Variants in CSMD1 observed in about 807,000 individuals in gnomAD.
The protein encoded by CSMD1 is CUB and Sushi multiple domains 1.
In CSMD1, 213 loss-of-function variants were observed where a neutral mutation model predicts 417.5. That is an observed-to-expected ratio of 0.51 (90% CI 0.46 to 0.57). CSMD1 has a LOEUF of 0.57. Among genes scored for constraint, CSMD1 ranks in the 20% least tolerant of loss-of-function variants. The probability of loss-of-function intolerance (pLI) is 0.00; values close to 1 mark genes in which losing one functional copy is unlikely to be tolerated. For synonymous variants in CSMD1, 2,862 were observed against 1,736.8 expected (o/e 1.65, Z -16.11); for missense variants, 6,923 against 4,529.7 (o/e 1.53, Z -15.17).
chr8:4,931,954 T>C (rs908182545), intron 1 of CSMD1, among the ~76,000 whole-genome samples: 1 of 152,034 alleles, frequency 6.6e-6, no homozygotes, highest in Non-Finnish European at 1.5e-5. Flanking sequence ...TTGTGTAACA[T>C]GTATTAGTTA....
chr8:3,665,839 C>G (rs181026407), intron 7 of CSMD1, among the ~76,000 whole-genome samples: 2 of 152,218 alleles, frequency 1.3e-5, no homozygotes, highest in East Asian at 1.9e-4. Context: ...AAGGCTTAGG[C>G]TCCTGCATTT....
intron 4 of CSMD1, among the ~76,000 whole-genome samples, chr8:4,009,481 G>A (rs1457380341): frequency 2.0e-5 from 3 of 152,138 alleles, no homozygotes; most frequent in Non-Finnish European, 2.9e-5. Flanking sequence ...AAACCATAGG[G>A]TCATCAAATG....
chr8:4,541,033 A>C (rs1797358323), intron 2 of CSMD1, among the ~76,000 whole-genome samples: 1 of 152,222 alleles, frequency 6.6e-6, no homozygotes, highest in South Asian at 2.1e-4. Context: ...ACTTAGCAAA[A>C]TGTTTCACAA....
intron 3 of CSMD1, among the ~76,000 whole-genome samples, chr8:4,207,863 C>A (rs531800340): frequency 1.6e-4 from 25 of 152,126 alleles, no homozygotes; most frequent in African/African-American, 4.3e-4. Context: ...TAATTGGTTC[C>A]ATATAGGTGG....
intron 40 of CSMD1, among the ~76,000 whole-genome samples, chr8:3,147,532 C>A (rs1009923120): frequency 3.3e-5 from 5 of 152,140 alleles, no homozygotes; most frequent in Non-Finnish European, 7.3e-5. Context: ...AGCTGGGGCA[C>A]TGAGTCAGAA....
chr8:3,980,178 G>C (rs79071316), intron 5 of CSMD1, among the ~76,000 whole-genome samples: 5 of 152,142 alleles, frequency 3.3e-5, no homozygotes, highest in African/African-American at 1.2e-4. Flanking sequence ...ATGACACAAT[G>C]TTATCACTTT....
intron 1 of CSMD1, among the ~76,000 whole-genome samples, chr8:4,754,161 G>A (rs1811520531): frequency 1.3e-5 from 2 of 152,094 alleles, no homozygotes; most frequent in Admixed American, 1.3e-4. Flanking sequence ...TTCTGATTGA[G>A]CAAAGCATGG....
rs1200160004 is a variant in CSMD1 at position 3,515,399 on chromosome 8, ATGT to A, written c.1345-21676_1345-21674del. 5.3e-5 allele frequency: 8 copies of A among 152,342 alleles called. No homozygotes were observed. In the East Asian group the frequency reaches 1.5e-3, roughly 29 times the overall value. The allele number at this position is 152,342 out of a possible 1,614,324, so 9.4% of individuals were successfully genotyped here. On this transcript the variant is annotated intron_variant, in intron 10 of 69. Coordinates refer to ENST00000635120, the MANE Select transcript of CSMD1 (RefSeq NM_033225.6). Reference sequence around the variant, plus strand: ...ACTAAGGCTCTTTATGATCTTGAAAATGTTGGTGAAGTTTAGACACTTGGTGAC... The same window carrying A: ...ACTAAGGCTCTTTATGATCTTGAAAATGGTGAAGTTTAGACACTTGGTGAC...
At chr8:3,973,647 T>A (rs1243293369) in intron 5 of CSMD1, among the ~76,000 whole-genome samples, 4 of 152,196 alleles carry the variant, frequency 2.6e-5, no homozygotes, top group Non-Finnish European at 5.9e-5. Context: ...ATCTGTTTAC[T>A]CCCTCAAGTA....
At chr8:3,500,293 C>G (rs1378122630) in intron 10 of CSMD1, among the ~76,000 whole-genome samples, 2 of 152,080 alleles carry the variant, frequency 1.3e-5, no homozygotes, top group Admixed American at 1.3e-4. Flanking sequence ...GCTGGGCACT[C>G]TAGCTAGACA....
intron 1 of CSMD1, among the ~76,000 whole-genome samples, chr8:4,931,444 C>T (rs558029988): frequency 6.6e-6 from 1 of 152,124 alleles, no homozygotes; most frequent in African/African-American, 2.4e-5. Flanking sequence ...TTGCCAATTT[C>T]AAACGCCCAG....
At chr8:3,587,454 G>A (rs926526054) in intron 8 of CSMD1, among the ~76,000 whole-genome samples, 1 of 152,196 alleles carries the variant, frequency 6.6e-6, no homozygotes, top group African/African-American at 2.4e-5. Context: ...AGGAAAAGAA[G>A]CACAGTTGTC....
In CSMD1 at chr8:3,299,952, C is replaced by G. The variant is rs1305154524; in HGVS notation, c.3950+7743G>C. 7.9e-5 allele frequency among the ~76,000 whole-genome samples: 12 copies of G among 152,072 alleles called. No individual in the cohort carries two copies. In the East Asian group the frequency reaches 2.1e-3, roughly 27 times the overall value. On this transcript the variant is annotated intron_variant, in intron 25 of 69. Coordinates refer to ENST00000635120, the MANE Select transcript of CSMD1 (RefSeq NM_033225.6). ...TAATGGCTATAAAAATTGAAATGTG[C>G]AAACATAGCAAATGCAGCTCTAGAA...
At chr8:4,788,902 G>C (rs1466467812) in intron 1 of CSMD1, among the ~76,000 whole-genome samples, 3 of 152,170 alleles carry the variant, frequency 2.0e-5, no homozygotes, top group Non-Finnish European at 4.4e-5. Context: ...GTGTTTTCAG[G>C]TGTTGGAGGT....
intron 2 of CSMD1, among the ~76,000 whole-genome samples, chr8:4,604,729 C>T (rs1466293209): frequency 6.6e-6 from 1 of 152,058 alleles, no homozygotes; most frequent in Non-Finnish European, 1.5e-5. Flanking sequence ...TTAATGGTAA[C>T]ATTTATGCAC....
intron 2 of CSMD1, among the ~76,000 whole-genome samples, chr8:4,595,879 T>C (rs1273753168): frequency 6.6e-6 from 1 of 152,198 alleles, no homozygotes; most frequent in East Asian, 1.9e-4. Context: ...CTTCTTTGCA[T>C]GGAATGATCT....
chr8:3,655,484 A>C (rs1798055346), intron 7 of CSMD1, among the ~76,000 whole-genome samples: 1 of 152,154 alleles, frequency 6.6e-6, no homozygotes, highest in African/African-American at 2.4e-5. Flanking sequence ...TAGTATCAGA[A>C]ATAGGTTTGG....
At chr8:4,621,121 C>G (rs1476167860) in intron 2 of CSMD1, among the ~76,000 whole-genome samples, 2 of 151,964 alleles carry the variant, frequency 1.3e-5, no homozygotes, top group African/African-American at 2.4e-5. Context: ...TTCTTAGGAC[C>G]AGACGTATTT....
At position 3,152,737 on chromosome 8, in the gene CSMD1, A is replaced by G. The variant is rs887963751; in HGVS notation, c.5915-1224T>C. 2.7e-4 allele frequency among the ~76,000 whole-genome samples: 41 copies of G among 152,174 alleles called. 1 individual carries two copies. The highest frequency in any genetic ancestry group is 8.8e-5 in the Non-Finnish European group (6 of 68,036). On this transcript the variant is annotated intron_variant, in intron 39 of 69. Coordinates refer to ENST00000635120, the MANE Select transcript of CSMD1 (RefSeq NM_033225.6). ...CTTGGACACCATCAACTGTGTTGCT[A>G]TTTAAAGTATAACCTCTCAAGGCGA...
Sources: allele counts gnomAD v4.1 joint callset (sites outside exome capture counted in the v4.1 genomes callset), GRCh38; gene constraint gnomAD v4.1.1; transcripts MANE v1.5; gene names NCBI Gene and HGNC (gene_info 2026-07-23, HGNC 2026-07-21).